Variants in PFKM observed in about 807,000 individuals in gnomAD.
PFKM encodes the protein phosphofructokinase, muscle.
Under a neutral mutation model 95.5 loss-of-function variants are expected in PFKM, and 58 were observed. The ratio of observed to expected loss-of-function variants is 0.61; its 90% CI spans 0.49 to 0.76. The LOEUF (loss-of-function observed/expected upper bound fraction) is 0.76, where lower values mean the gene tolerates loss of function less well. Ranked by LOEUF, PFKM falls within the 30% of genes least tolerant of loss-of-function variation. The pLI is 0.00. For missense variants in PFKM, 678 were observed against 1,005.4 expected, an observed-to-expected ratio of 0.67 and a Z score of 4.40; for synonymous variants, 336 against 357.2, an observed-to-expected ratio of 0.94 and a Z score of 0.67.
At chr12:48,125,387 C>G (rs566842266) in intron 2 of PFKM, 217 of 439,062 alleles carry the variant, frequency 4.9e-4, no homozygotes, top group Middle Eastern at 1.0e-3. Context: ...TTTGGGAGGC[C>G]GAGGCGGGCA....
intron 2 of PFKM, among the ~76,000 whole-genome samples, chr12:48,123,175 G>GT (rs539970838): frequency 6.8e-4 from 104 of 152,320 alleles, no homozygotes; most frequent in African/African-American, 2.5e-3. Context: ...TGAGAAGGCA[G>GT]TAAGTGGATT....
In PFKM at chr12:48,146,254, G is replaced by T; in HGVS notation, c.*546G>T. 6.3e-6 allele frequency: 1 copy of T among 159,448 alleles called. No homozygotes were observed. The allele number at this position is 159,448 out of a possible 1,614,324, so 9.9% of individuals were successfully genotyped here. A position where few individuals can be genotyped will look rare whatever the true frequency, so the allele number is the denominator to read the frequency against. On this transcript the variant is annotated 3_prime_UTR_variant, in exon 23 of 23. Coordinates refer to ENST00000359794, the MANE Select transcript of PFKM (RefSeq NM_000289.6). ...ATCTCTAGTACACTACTTGCTGGCT[G>T]TCTGAAAAATTGTCACTGCCAAACT... is the stretch of plus-strand genomic sequence containing the variant.
At position 48,133,315 on chromosome 12, in the gene PFKM, G is replaced by A; in HGVS notation, c.428G>A (p.Gly143Asp). 1.2e-6 allele frequency: 2 copies of A among 1,613,956 alleles called. No individual in the cohort carries two copies. The highest frequency in any genetic ancestry group is 1.7e-6 in the Non-Finnish European group (2 of 1,179,868). ...SDLLSDLQKAGKITDEEATKS... is the reference protein window; with the variant it reads ...SDLLSDLQKADKITDEEATKS... ...CTCCTGGTTTGCTTCTCATTGTCAG[G>A]TAAGATCACAGATGAGGAGGCTACG... The change falls in exon 6 of 23, where the codon GGT (glycine) becomes GAT (aspartate). Residue 143 changes from glycine to aspartate, a missense_variant and splice_region_variant. Physicochemically the swap from Gly to Asp is moderately conservative, Grantham distance 94. Coordinates refer to ENST00000359794, the MANE Select transcript of PFKM (RefSeq NM_000289.6).
intron 2 of PFKM, among the ~76,000 whole-genome samples, chr12:48,128,171 A>G (rs1388052110): frequency 1.3e-5 from 2 of 152,334 alleles, no homozygotes; most frequent in Non-Finnish European, 2.9e-5. Context: ...TTTAGGTCCC[A>G]TGACAAATGC....
chr12:48,142,847 G>A lies in PFKM; in HGVS notation c.1719G>A (p.Met573Ile), dbSNP rs755187895. Reference protein sequence around the residue: ...TKRRVFIIETMGGYCGYLATM... With the variant: ...TKRRVFIIETIGGYCGYLATM... ...GTCGGGTGTTTATCATTGAGACTAT[G>A]GGTGGCTACTGTGGCTACCTGGCTA... Residue 573 changes from methionine (M) to isoleucine (I), a missense_variant, in exon 18 of 23, where the codon ATG (methionine) becomes ATA (isoleucine). Coordinates refer to ENST00000359794, the MANE Select transcript of PFKM (RefSeq NM_000289.6). The A allele has an allele frequency of 1.2e-6, 2 of 1,614,090 alleles. No homozygotes were observed. Among genetic ancestry groups the A allele is most frequent in the Non-Finnish European group, 1.7e-6 (2 of 1,179,978 alleles).
At chr12:48,135,890 T>C (rs1216617238) in intron 10 of PFKM, among the ~76,000 whole-genome samples, 2 of 151,624 alleles carry the variant, frequency 1.3e-5, no homozygotes, top group Non-Finnish European at 2.9e-5. Context: ...TCATTATTAT[T>C]ATTATTATTA....
chr12:48,108,932 A>G lies in PFKM; in HGVS notation c.205+738A>G, dbSNP rs527349889. Reference sequence around the variant, plus strand: ...CTTATATTTTCAGAAGGAACTCAGGACTAAAAGGTTTTCCTCAGAAAGTTG... The same window carrying G: ...CTTATATTTTCAGAAGGAACTCAGGGCTAAAAGGTTTTCCTCAGAAAGTTG... On this transcript the variant is annotated intron_variant, in intron 3 of 24. Coordinates refer to the PFKM transcript ENST00000340802. Among the ~76,000 whole-genome samples, 9 of 152,356 alleles carry G rather than the reference A, an allele frequency of 5.9e-5. No homozygotes were observed. In the South Asian group the frequency reaches 1.4e-3, roughly 25 times the overall value.
At chr12:48,112,649 G>A (rs1484694499) in intron 3 of PFKM, among the ~76,000 whole-genome samples, 1 of 152,166 alleles carries the variant, frequency 6.6e-6, no homozygotes, top group African/African-American at 2.4e-5. Context: ...GGTTGTGGAG[G>A]GAGGTATTGA....
In PFKM at chr12:48,145,170, T is replaced by C; in HGVS notation, c.2092+40T>C. Reference sequence around the variant, plus strand: ...AGCGAGTGCCCTCTATAGAGGCTGGTTCCCCAGTATAGAAGCTGACTGCCC... The same window carrying C: ...AGCGAGTGCCCTCTATAGAGGCTGGCTCCCCAGTATAGAAGCTGACTGCCC... On this transcript the variant is annotated intron_variant, in intron 21 of 22. Transcript: ENST00000359794. This position sits in a 1 kb window ranked among gnomAD's most constrained non-coding sequence, Gnocchi z 4.3. 1 of 1,609,804 alleles carries C rather than the reference T, an allele frequency of 6.2e-7. No homozygotes were observed. Among genetic ancestry groups the C allele is most frequent in the Non-Finnish European group, 8.5e-7 (1 of 1,176,536 alleles).
intron 1 of PFKM, among the ~76,000 whole-genome samples, chr12:48,121,930 A>G (rs1948324954): frequency 6.6e-6 from 1 of 152,234 alleles, no homozygotes. Context: ...TTATGGATAC[A>G]AAAATACGTC....
At chr12:48,108,320 CTG>C (rs1156874547) in intron 3 of PFKM, 85 of 741,156 alleles carry the variant, frequency 1.1e-4, no homozygotes, top group Non-Finnish European at 1.5e-4. Flanking sequence ...GGGGGAAAGT[CTG>C]TGTGTGTGTG....
At chr12:48,123,692 C>T (rs1948533749) in intron 2 of PFKM, among the ~76,000 whole-genome samples, 1 of 152,108 alleles carries the variant, frequency 6.6e-6, no homozygotes, top group South Asian at 2.1e-4. Context: ...TGTTCCTAGG[C>T]TTTTTTAGAC....
intron 2 of PFKM, among the ~76,000 whole-genome samples, chr12:48,127,697 C>T (rs1033361556): frequency 1.3e-5 from 2 of 152,228 alleles, no homozygotes; most frequent in East Asian, 1.9e-4. Context: ...TTTCACACTG[C>T]TGCCAGAGTT....
chr12:48,132,965 ATC>A lies in PFKM; in HGVS notation c.339_340del (p.Val115HisfsTer4). 1 of 1,614,094 alleles carries A rather than the reference ATC, an allele frequency of 6.2e-7. No homozygotes were observed. The highest frequency in any genetic ancestry group is 2.2e-5 in the East Asian group (1 of 44,878). ...AACCTGGTGAAGCGTGGGATCACCA[ATC>A]TCTGTGTCATTGGGGGTGATGGCAG... On this transcript the variant is annotated frameshift_variant, in exon 5 of 23. Transcript: ENST00000359794. LOFTEE classifies it high-confidence loss of function.
upstream of PFKM, among the ~76,000 whole-genome samples, chr12:48,114,414 G>C (rs576319781): frequency 2.0e-5 from 3 of 152,182 alleles, no homozygotes; most frequent in East Asian, 1.9e-4. Flanking sequence ...TTGGGCAGGT[G>C]GGGGAGAGCT....
intron 15 of PFKM, 128 bp from the exon 16 acceptor site, chr12:48,141,612 G>A: frequency 1.2e-6 from 1 of 832,944 alleles, no homozygotes; most frequent in South Asian, 1.4e-5. Context: ...GTGGGCTAGG[G>A]AGGGCGGCAC....
intron 17 of PFKM, chr12:48,142,516 G>GTTTTT: frequency 9.5e-6 from 4 of 423,094 alleles, no homozygotes; most frequent in Non-Finnish European, 1.7e-5. Flanking sequence ...TGTTTTGTTT[G>GTTTTT]TTTTTTTTTT....
Position 48,145,963 on chromosome 12 carries a change from A to G in PFKM, c.*255A>G. ...GCTGGGCACCTCTAGTGCTACTGCTAGATATCACTTACTCAGTTAGAATTT... is the reference window on the plus strand; with the variant it reads ...GCTGGGCACCTCTAGTGCTACTGCTGGATATCACTTACTCAGTTAGAATTT... On this transcript the variant is annotated 3_prime_UTR_variant, in exon 23 of 23. Transcript: ENST00000359794. This position sits in a 1 kb window ranked among gnomAD's most constrained non-coding sequence, Gnocchi z 4.3. 1.9e-6 allele frequency: 1 copy of G among 522,224 alleles called. No individual in the cohort carries two copies. Among genetic ancestry groups the G allele is most frequent in the Non-Finnish European group, 3.4e-6 (1 of 290,340 alleles). The allele number at this position is 522,224 out of a possible 1,614,324, so 32.3% of individuals were successfully genotyped here.
At chr12:48,122,281 A>C (rs929978691) in intron 1 of PFKM, among the ~76,000 whole-genome samples, 5 of 152,030 alleles carry the variant, frequency 3.3e-5, no homozygotes, top group African/African-American at 1.2e-4. Context: ...ATAACACCCA[A>C]CCCTAATCTT....
Sources: allele counts gnomAD v4.1 joint callset (sites outside exome capture counted in the v4.1 genomes callset), GRCh38; gene constraint gnomAD v4.1.1; non-coding constraint Gnocchi (gnomAD v3.1); transcripts MANE v1.5; gene names NCBI Gene and HGNC (gene_info 2026-07-23, HGNC 2026-07-21).